TAF11: variants seen among roughly 807,000 people sequenced by gnomAD.
TAF11 encodes the protein transcription initiation factor TFIID subunit 11.
Under a neutral mutation model 23.0 loss-of-function variants are expected in TAF11, and 10 were observed. That is an observed-to-expected ratio of 0.43 (90% confidence interval 0.27 to 0.74). The LOEUF is 0.74. Among genes scored for constraint, TAF11 ranks in the 30% least tolerant of loss-of-function variants. The pLI, the probability that TAF11 is intolerant of heterozygous loss-of-function variation, is 0.19. For synonymous variants in TAF11, 85 were observed against 95.8 expected (o/e 0.89, Z 0.66); for missense variants, 196 against 261.7 (o/e 0.75, Z 1.73).
chr6:34,882,657 A>G (rs13194371), intron 2 of TAF11, among the ~76,000 whole-genome samples: 1 of 152,020 alleles, frequency 6.6e-6, no homozygotes, highest in South Asian at 2.1e-4. Flanking sequence ...AAAATAAAAA[A>G]TAAAAAAAAA....
intron 1 of TAF11, among the ~76,000 whole-genome samples, chr6:34,887,254 G>A (rs1053047470): frequency 3.3e-5 from 5 of 152,132 alleles, no homozygotes; most frequent in African/African-American, 1.2e-4. Flanking sequence ...GTGGGCCAGA[G>A]ATCGCGCCAT....
intron 2 of TAF11, among the ~76,000 whole-genome samples, chr6:34,882,330 C>T (rs1407175953): frequency 2.0e-5 from 3 of 146,994 alleles, no homozygotes; most frequent in Non-Finnish European, 4.5e-5. Context: ...GAGAGCGAAA[C>T]TCTGTCTCAA....
At chr6:34,882,414 C>T (rs1224857179) in intron 2 of TAF11, among the ~76,000 whole-genome samples, 16 of 151,638 alleles carry the variant, frequency 1.1e-4, no homozygotes, top group African/African-American at 1.7e-4. Flanking sequence ...GAGGCCGAGG[C>T]GGGCAGATCA....
At chr6:34,887,682 G>A in intron 1 of TAF11, 105 bp downstream of exon 1, 1 of 1,389,800 alleles carries the variant, frequency 7.2e-7, no homozygotes, top group Non-Finnish European at 1.0e-6. Flanking sequence ...ATTCTGGTGA[G>A]TTCGAGTTCT....
At position 34,887,699 on chromosome 6, in the gene TAF11, T is replaced by C. The variant is rs545276156; in HGVS notation, c.171+88A>G. 1.6e-5 allele frequency: 25 copies of C among 1,521,246 alleles called. No individual in the cohort carries two copies. The African/African-American group carries it at 3.3e-4, about 20-fold the overall frequency. The allele number at this position is 1,521,246 out of a possible 1,614,324, so 94.2% of individuals were successfully genotyped here. ...TCTGGTGAGTTCGAGTTCTCGTAAC[T>C]TGTTAGGGACTAACCAGAAGCCCGG... On this transcript the variant is annotated intron_variant, in intron 1 of 4. Coordinates refer to ENST00000361288, the MANE Select transcript of TAF11 (RefSeq NM_005643.4).
chr6:34,880,515 G>T lies in TAF11; in HGVS notation c.321-139C>A. The T allele has an allele frequency of 1.4e-6, 1 of 696,434 alleles. No homozygotes were observed. The highest frequency in any genetic ancestry group is 2.4e-6 in the Non-Finnish European group (1 of 423,990). The allele number at this position is 696,434 out of a possible 1,614,324, so 43.1% of individuals were successfully genotyped here. A position where few individuals can be genotyped will look rare whatever the true frequency, so the allele number is the denominator to read the frequency against. Reference sequence around the variant, plus strand: ...CATTAGGCTTGGTGCCTTGAGGAATGAAGATAAAACACTTCTACTCCAAAG... The same window carrying T: ...CATTAGGCTTGGTGCCTTGAGGAATTAAGATAAAACACTTCTACTCCAAAG... On this transcript the variant is annotated intron_variant, in intron 2 of 4. Transcript: ENST00000361288. The surrounding 1 kb of genome is among the most constrained non-coding windows in gnomAD (Gnocchi z 4.8).
At chr6:34,879,049 T>TA (rs1244409498) in intron 4 of TAF11, among the ~76,000 whole-genome samples, 1 of 151,822 alleles carries the variant, frequency 6.6e-6, no homozygotes, top group African/African-American at 2.4e-5. Flanking sequence ...TACAAAAAAT[T>TA]AAAAAGTTAG....
intron 2 of TAF11, among the ~76,000 whole-genome samples, chr6:34,882,636 T>C (rs1291435932): frequency 1.4e-5 from 2 of 144,280 alleles, no homozygotes; most frequent in Non-Finnish European, 3.0e-5. Context: ...ACAGTGAGAC[T>C]CTATCTCAAA....
chr6:34,887,833 C>G lies in TAF11; in HGVS notation c.125G>C (p.Gly42Ala). 6.2e-7 allele frequency: 1 copy of G among 1,614,240 alleles called. No homozygotes were observed. The highest frequency in any genetic ancestry group is 8.5e-7 in the Non-Finnish European group (1 of 1,180,054). ...TTCTTTCAAGTCCACATCTGCGTCT[C>G]CGTCAGTTTCCTCTGGGATTCCATC... ...DTDGIPEETD[G>A]DADVDLKEAA... The change falls in exon 1 of 5, where the codon GGA (glycine) becomes GCA (alanine). Residue 42 changes from glycine to alanine, a missense_variant. Gly to Ala is a moderately conservative substitution (Grantham distance 60, BLOSUM62 0). Coordinates refer to ENST00000361288, the MANE Select transcript of TAF11 (RefSeq NM_005643.4).
In TAF11 at chr6:34,877,491, C is replaced by T. The variant is rs1554128676; in HGVS notation, c.*1099G>A. On this transcript the variant is annotated 3_prime_UTR_variant, in exon 5 of 5. Transcript: ENST00000361288. Reference sequence around the variant, plus strand: ...TGGTTCTGTGAACCACCTGAAAAAACAAATTAAATGTATTAAACCATAATG... The same window carrying T: ...TGGTTCTGTGAACCACCTGAAAAAATAAATTAAATGTATTAAACCATAATG... The T allele has an allele frequency of 6.6e-6, 1 of 152,422 alleles. No homozygotes were observed. The highest frequency in any genetic ancestry group is 1.5e-5 in the Non-Finnish European group (1 of 68,010). The allele number at this position is 152,422 out of a possible 1,614,324, so 9.4% of individuals were successfully genotyped here. A position where few individuals can be genotyped will look rare whatever the true frequency, so the allele number is the denominator to read the frequency against.
intron 1 of TAF11, among the ~76,000 whole-genome samples, chr6:34,885,259 CTTA>C (rs1487155243): frequency 6.6e-6 from 1 of 152,030 alleles, no homozygotes; most frequent in East Asian, 1.9e-4. Flanking sequence ...GAGTTAGGTG[CTTA>C]TTTGCAATAT....
intron 1 of TAF11, 134 bp downstream of exon 1, chr6:34,887,653 G>C: frequency 8.9e-7 from 1 of 1,126,484 alleles, no homozygotes; most frequent in Non-Finnish European, 1.3e-6. Context: ...TCCCCCTCAA[G>C]ATTAACGATC....
chr6:34,887,420 A>G (rs1304350365), intron 1 of TAF11, among the ~76,000 whole-genome samples: 1 of 152,184 alleles, frequency 6.6e-6, no homozygotes, highest in Non-Finnish European at 1.5e-5. Context: ...TCTAAGAGGA[A>G]CCATATTGCG....
intron 1 of TAF11, among the ~76,000 whole-genome samples, chr6:34,887,349 T>C (rs550386544): frequency 6.6e-4 from 101 of 152,266 alleles, no homozygotes; most frequent in Non-Finnish European, 1.2e-3. Context: ...TATAAAAGTC[T>C]ATCTCCCTTT....
In TAF11 at chr6:34,878,542, G is replaced by A; in HGVS notation, c.*48C>T. On this transcript the variant is annotated 3_prime_UTR_variant, in exon 5 of 5. Coordinates refer to ENST00000361288, the MANE Select transcript of TAF11 (RefSeq NM_005643.4). ...TGCAGACAGTCTTATAGGAAGTCTG[G>A]AACCAATACTTCTTCCGTCAGTAAC... 9.6e-7 allele frequency: 1 copy of A among 1,036,810 alleles called. No individual in the cohort carries two copies. The highest frequency in any genetic ancestry group is 2.0e-4 in the Middle Eastern group (1 of 4,908). The allele number at this position is 1,036,810 out of a possible 1,614,324, so 64.2% of individuals were successfully genotyped here.
In TAF11 at chr6:34,878,255, CCAAAA is replaced by C. The variant is rs924382472; in HGVS notation, c.*330_*334del. The C allele has an allele frequency of 1.1e-4, 26 of 231,794 alleles. No homozygotes were observed. Among genetic ancestry groups the C allele is most frequent in the Admixed American group, 1.5e-4 (3 of 20,132 alleles). 14.4% of individuals were successfully genotyped at this position (231,794 alleles called of 1,614,324 possible). A position where few individuals can be genotyped will look rare whatever the true frequency, so the allele number is the denominator to read the frequency against. Reference sequence around the variant, plus strand: ...AGACCCTATCTCAAACAAAACGAAACCAAAACAAAACAAAACTCTCTTGGAAAGGT... The same window carrying C: ...AGACCCTATCTCAAACAAAACGAAACCAAAACAAAACTCTCTTGGAAAGGT... On this transcript the variant is annotated 3_prime_UTR_variant, in exon 5 of 5. Coordinates refer to ENST00000361288, the MANE Select transcript of TAF11 (RefSeq NM_005643.4).
intron 1 of TAF11, among the ~76,000 whole-genome samples, chr6:34,885,807 T>C (rs1766515268): frequency 6.6e-6 from 1 of 151,888 alleles, no homozygotes; most frequent in African/African-American, 2.4e-5. Context: ...AGACCTTGTC[T>C]CTACCAAAAC....
intron 1 of TAF11, among the ~76,000 whole-genome samples, chr6:34,886,617 C>G (rs533951793): frequency 6.6e-6 from 1 of 152,080 alleles, no homozygotes; most frequent in South Asian, 2.1e-4. Flanking sequence ...AGGCGCCCGC[C>G]ACCATGCCCA....
chr6:34,886,940 G>C (rs1381987868), intron 1 of TAF11, among the ~76,000 whole-genome samples: 1 of 152,030 alleles, frequency 6.6e-6, no homozygotes, highest in Non-Finnish European at 1.5e-5. Context: ...TGAGTTTCTG[G>C]TCCTGACCGA....
Sources: allele counts gnomAD v4.1 joint callset (sites outside exome capture counted in the v4.1 genomes callset), GRCh38; gene constraint gnomAD v4.1.1; non-coding constraint Gnocchi (gnomAD v3.1); transcripts MANE v1.5; gene names NCBI Gene and HGNC (gene_info 2026-07-23, HGNC 2026-07-21).